The following MEI4 variants were observed in gnomAD, a reference collection of about 807,000 sequenced individuals.
The protein encoded by MEI4 is meiosis-specific protein MEI4.
Under a neutral mutation model 31.4 loss-of-function variants are expected in MEI4, and 27 were observed. The observed-to-expected ratio is 0.86, with a 90% CI of 0.63 to 1.19. The LOEUF is 1.19. MEI4 is among the 50% of genes most tolerant of loss of function. The pLI is 0.00. For synonymous variants in MEI4, 122 were observed against 145.4 expected (o/e 0.84, Z 1.16); for missense variants, 329 against 398.9 (o/e 0.82, Z 1.49).
intron 4 of MEI4, among the ~76,000 whole-genome samples, chr6:77,854,476 T>A (rs183130170): frequency 6.6e-6 from 1 of 151,476 alleles, no homozygotes; most frequent in African/African-American, 2.4e-5. Flanking sequence ...TCCATGGTAC[T>A]ATGTACATCT....
intron 4 of MEI4, among the ~76,000 whole-genome samples, chr6:77,838,194 T>C (rs929131755): frequency 2.6e-5 from 4 of 152,226 alleles, no homozygotes; most frequent in African/African-American, 9.6e-5. Context: ...TGTTTGACAA[T>C]GGATGTTTTT....
intron 4 of MEI4, among the ~76,000 whole-genome samples, chr6:77,849,040 T>C (rs1264101429): frequency 6.6e-6 from 1 of 151,956 alleles, no homozygotes; most frequent in African/African-American, 2.4e-5. Context: ...TATAATATAA[T>C]TGCTGGGTTT....
At chr6:77,768,816 C>T (rs1768239340) in intron 3 of MEI4, among the ~76,000 whole-genome samples, 1 of 151,982 alleles carries the variant, frequency 6.6e-6, no homozygotes, top group Non-Finnish European at 1.5e-5. Context: ...AAACAACAGT[C>T]TTTTGGAAAC....
chr6:77,652,216 A>G (rs954485427), upstream of MEI4, among the ~76,000 whole-genome samples: 2 of 152,210 alleles, frequency 1.3e-5, no homozygotes, highest in African/African-American at 4.8e-5. Context: ...GGCTGATACA[A>G]TCATAATGAC....
intron 2 of MEI4, among the ~76,000 whole-genome samples, chr6:77,739,855 T>C (rs1253752803): frequency 6.6e-6 from 1 of 152,202 alleles, no homozygotes; most frequent in Non-Finnish European, 1.5e-5. Flanking sequence ...TGGGATTGCT[T>C]GGCTCTTGGT....
At chr6:77,680,152 G>A (rs1229451771) in intron 1 of MEI4, among the ~76,000 whole-genome samples, 5 of 103,076 alleles carry the variant, frequency 4.9e-5, no homozygotes, top group African/African-American at 2.3e-4. Flanking sequence ...GATGGCGGGC[G>A]CCTGTAGTCC....
chr6:77,911,789 A>G (rs1220097635), intron 4 of MEI4, among the ~76,000 whole-genome samples: 1 of 150,504 alleles, frequency 6.6e-6, no homozygotes, highest in Non-Finnish European at 1.5e-5. Flanking sequence ...ATGGGCATCC[A>G]GGTTGACTCC....
intron 4 of MEI4, among the ~76,000 whole-genome samples, chr6:77,865,554 C>A (rs1771002018): frequency 6.6e-6 from 1 of 152,076 alleles, no homozygotes; most frequent in Non-Finnish European, 1.5e-5. Context: ...CTGAATAGAC[C>A]AAAAACAGGC....
intron 2 of MEI4, among the ~76,000 whole-genome samples, chr6:77,711,284 T>C (rs756110795): frequency 2.0e-5 from 3 of 152,178 alleles, no homozygotes; most frequent in Non-Finnish European, 4.4e-5. Context: ...GATATATATG[T>C]TAATTAGCTT....
At chr6:77,699,303 C>T (rs1766147038) in intron 2 of MEI4, among the ~76,000 whole-genome samples, 1 of 150,342 alleles carries the variant, frequency 6.7e-6, no homozygotes, top group African/African-American at 2.4e-5. Flanking sequence ...CATTCTCCTG[C>T]CTCAGCCTCC....
intron 4 of MEI4, among the ~76,000 whole-genome samples, chr6:77,876,422 C>T (rs951164263): frequency 6.6e-6 from 1 of 152,048 alleles, no homozygotes; most frequent in East Asian, 1.9e-4. Context: ...GTTCATTTAC[C>T]ATGTGATACC....
chr6:77,885,086 A>C (rs1173819205), intron 4 of MEI4, among the ~76,000 whole-genome samples: 1 of 140,212 alleles, frequency 7.1e-6, no homozygotes, highest in Non-Finnish European at 1.6e-5. Flanking sequence ...GGTTAGATTT[A>C]TACCTAGGTG....
At chr6:77,907,312 G>A (rs892798797) in intron 4 of MEI4, among the ~76,000 whole-genome samples, 15 of 152,046 alleles carry the variant, frequency 9.9e-5, no homozygotes, top group Admixed American at 5.9e-4. Flanking sequence ...AACAGGACCC[G>A]GTGTGTGATG....
chr6:77,881,350 G>A (rs1771485605), intron 4 of MEI4, among the ~76,000 whole-genome samples: 1 of 151,988 alleles, frequency 6.6e-6, no homozygotes, highest in African/African-American at 2.4e-5. Flanking sequence ...TGGGTCTAAT[G>A]TTTAGCAAAA....
At chr6:77,878,601 A>C (rs932520305) in intron 4 of MEI4, among the ~76,000 whole-genome samples, 1 of 152,022 alleles carries the variant, frequency 6.6e-6, no homozygotes. Flanking sequence ...GAATGTTTTC[A>C]TTTCAAATGA....
intron 1 of MEI4, among the ~76,000 whole-genome samples, chr6:77,662,016 T>C (rs1417662818): frequency 6.6e-6 from 1 of 152,206 alleles, no homozygotes; most frequent in Non-Finnish European, 1.5e-5. Context: ...AGAGTTTTTA[T>C]TGAAGAGGCA....
chr6:77,744,828 G>C (rs540795695), intron 2 of MEI4, among the ~76,000 whole-genome samples: 1 of 152,278 alleles, frequency 6.6e-6, no homozygotes, highest in South Asian at 2.1e-4. Context: ...CATTCTTAAA[G>C]GAAAGAATTT....
At chr6:77,899,421 A>G (rs1384937349) in intron 4 of MEI4, among the ~76,000 whole-genome samples, 2 of 152,090 alleles carry the variant, frequency 1.3e-5, no homozygotes, top group African/African-American at 4.8e-5. Context: ...AATGATAAGT[A>G]ATCATGGGAT....
rs1051777580 is a variant in MEI4, at chr6:77,926,952, G to A, written c.*3606G>A. 6.6e-6 allele frequency: 1 copy of A among 151,578 alleles called. No homozygotes were observed. The highest frequency in any genetic ancestry group is 1.5e-5 in the Non-Finnish European group (1 of 67,830). 9.4% of individuals were successfully genotyped at this position (151,578 alleles called of 1,614,324 possible). ...GAATTGTATAATACAAAATTTATCT[G>A]GTTAATAAATATACTGGTCTTGTAA... On this transcript the variant is annotated 3_prime_UTR_variant, in exon 5 of 5. Coordinates refer to ENST00000684080, the MANE Select transcript of MEI4 (RefSeq NM_001322247.2).
Sources: allele counts gnomAD v4.1 joint callset (sites outside exome capture counted in the v4.1 genomes callset), GRCh38; gene constraint gnomAD v4.1.1; transcripts MANE v1.5; gene names NCBI Gene and HGNC (gene_info 2026-07-23, HGNC 2026-07-21).